Variants in WNT2B observed in about 807,000 individuals in gnomAD.
The protein encoded by WNT2B is protein Wnt-2b.
Under a neutral mutation model 40.5 loss-of-function variants are expected in WNT2B, and 19 were observed. The ratio of observed to expected loss-of-function variants is 0.47; its 90% CI spans 0.33 to 0.69. The LOEUF (loss-of-function observed/expected upper bound fraction) is 0.69. WNT2B is among the 30% of genes least tolerant of loss of function. The pLI is 0.02. For synonymous variants in WNT2B, 220 were observed against 211.9 expected (o/e 1.04, Z -0.33); for missense variants, 467 against 556.4 (o/e 0.84, Z 1.62).
intron 1 of WNT2B, among the ~76,000 whole-genome samples, chr1:112,496,432 CA>C (rs1651770387): frequency 6.6e-6 from 1 of 152,224 alleles, no homozygotes; most frequent in Admixed American, 6.5e-5. Flanking sequence ...AGCATCAACT[CA>C]AAAGTCTAAG....
Position 112,488,691 on chromosome 1 carries a change from A to G in WNT2B, c.-95+21100A>G, listed in dbSNP as rs1222830450. Among the ~76,000 whole-genome samples, 5 of 151,758 alleles carry G rather than the reference A, an allele frequency of 3.3e-5. No individual in the cohort carries two copies. The East Asian group carries it at 9.7e-4, about 29-fold the overall frequency. ...CTCAGCCTCCCGAGTAGCTGGGACT[A>G]CAGGCGCTCGCCACCATGCCCGGCT... On this transcript the variant is annotated intron_variant, in intron 1 of 4. Coordinates refer to the WNT2B transcript ENST00000256640.
rs773051932 is a variant in WNT2B at position 112,527,723 on chromosome 1, G to T, written c.*7214G>T. 6.6e-6 allele frequency: 1 copy of T among 152,462 alleles called. No homozygotes were observed. Among genetic ancestry groups the T allele is most frequent in the Non-Finnish European group, 1.5e-5 (1 of 68,034 alleles). The allele number at this position is 152,462 out of a possible 1,614,324, so 9.4% of individuals were successfully genotyped here. ...CTGGTCTCACATCTACTTCTTGAAG[G>T]TGTCTAAGTAGAATGCAGAGATTGT... On this transcript the variant is annotated 3_prime_UTR_variant, in exon 5 of 5. Transcript: ENST00000369684.
intron 1 of WNT2B, among the ~76,000 whole-genome samples, chr1:112,510,385 C>A (rs1482861808): frequency 3.9e-5 from 6 of 152,182 alleles, no homozygotes; most frequent in African/African-American, 1.4e-4. Context: ...AAGACTCAGT[C>A]TTTCCTCTTC....
At chr1:112,493,885 C>T (rs542938601) in intron 1 of WNT2B, among the ~76,000 whole-genome samples, 4 of 149,902 alleles carry the variant, frequency 2.7e-5, no homozygotes, top group South Asian at 2.1e-4. Context: ...AAACCAACAA[C>T]GACAAAAACA....
chr1:112,517,953 T>C (rs1350899454), intron 4 of WNT2B: 1 of 154,910 alleles, frequency 6.5e-6, no homozygotes, highest in East Asian at 1.9e-4. Context: ...AAGCACATGA[T>C]CTGTCCCAGG....
At chr1:112,516,012 G>A (rs1570795694) in intron 2 of WNT2B, 128 bp from the exon 3 acceptor site, 1 of 1,213,424 alleles carries the variant, frequency 8.2e-7, no homozygotes, top group South Asian at 1.5e-5. Flanking sequence ...TTGAATAAAG[G>A]GGGTGTAGGG....
Position 112,521,115 on chromosome 1 carries a change from C to G in WNT2B, c.*606C>G, listed in dbSNP as rs538119204. 3 of 153,100 alleles carry G rather than the reference C, an allele frequency of 2.0e-5. No individual in the cohort carries two copies. The South Asian group carries it at 6.2e-4, about 32-fold the overall frequency. The allele number at this position is 153,100 out of a possible 1,614,324, so 9.5% of individuals were successfully genotyped here. On this transcript the variant is annotated 3_prime_UTR_variant, in exon 5 of 5. Coordinates refer to ENST00000369684, the MANE Select transcript of WNT2B (RefSeq NM_024494.3). ...TAGAAGAAAAAGAATCATAACAATA[C>G]AAACACACATTCATTCTCTCTTTTT... is the stretch of plus-strand genomic sequence containing the variant.
chr1:112,498,933 C>T lies in WNT2B; in HGVS notation c.-94-15941C>T, dbSNP rs182275552. On this transcript the variant is annotated intron_variant, in intron 1 of 4. Coordinates refer to the WNT2B transcript ENST00000256640. ...AATTTCAAAGCTGCTTCCAGCTGGG[C>T]GCGGTGGCTCACGCCTGTAATTCCA... 9.9e-5 allele frequency among the ~76,000 whole-genome samples: 15 copies of T among 152,282 alleles called. No homozygotes were observed. The East Asian group carries it at 2.1e-3, about 22-fold the overall frequency.
rs766253704 is a variant in WNT2B at position 112,509,657 on chromosome 1, A to G, written c.182+213A>G. Among the ~76,000 whole-genome samples, 4 of 152,184 alleles carry G rather than the reference A, an allele frequency of 2.6e-5. No individual in the cohort carries two copies. The highest frequency in any genetic ancestry group is 4.4e-5 in the Non-Finnish European group (3 of 68,032). On this transcript the variant is annotated intron_variant, in intron 1 of 4. Coordinates refer to ENST00000369684, the MANE Select transcript of WNT2B (RefSeq NM_024494.3). This position sits in a 1 kb window ranked among gnomAD's most constrained non-coding sequence, Gnocchi z 4.2. ...GGTGAGAAAGGCGCTGGGCATTCGGAGCAAGGATGCCCGGTGGTCGCGGCT... is the reference window on the plus strand; with the variant it reads ...GGTGAGAAAGGCGCTGGGCATTCGGGGCAAGGATGCCCGGTGGTCGCGGCT...
upstream of WNT2B, among the ~76,000 whole-genome samples, chr1:112,504,853 G>A (rs1652064722): frequency 6.6e-6 from 1 of 152,064 alleles, no homozygotes; most frequent in Non-Finnish European, 1.5e-5. Context: ...AAAAAGAGAA[G>A]GTCATCGCCA....
chr1:112,511,268 C>T (rs1339981163), intron 1 of WNT2B, among the ~76,000 whole-genome samples: 1 of 152,072 alleles, frequency 6.6e-6, no homozygotes, highest in Admixed American at 6.5e-5. Flanking sequence ...GGAGGTGACA[C>T]AGAGTGACTT....
chr1:112,497,909 A>C (rs1308808664), intron 1 of WNT2B, among the ~76,000 whole-genome samples: 2 of 149,684 alleles, frequency 1.3e-5, no homozygotes, highest in Non-Finnish European at 1.5e-5. Flanking sequence ...ATCCTAGTTC[A>C]TCACTCTTTT....
chr1:112,520,171 C>A, intron 4 of WNT2B, 109 bp from the exon 5 acceptor site: 2 of 1,116,390 alleles, frequency 1.8e-6, no homozygotes, highest in South Asian at 1.5e-5. Flanking sequence ...CCACTGTGCC[C>A]AGCCCAAAAA....
chr1:112,478,225 T>C (rs1311201606), intron 1 of WNT2B, among the ~76,000 whole-genome samples: 2 of 150,854 alleles, frequency 1.3e-5, no homozygotes, highest in African/African-American at 4.9e-5. Flanking sequence ...CAAAGCAAGA[T>C]GCTGTCTCAA....
In WNT2B at chr1:112,515,991, T is replaced by C. The variant is rs1652520117; in HGVS notation, c.404-149T>C. Reference sequence around the variant, plus strand: ...ATACTCTGGGGAATGCTCTTGGAAATGAAAGGCACCTTGAATAAAGGGGGT... The same window carrying C: ...ATACTCTGGGGAATGCTCTTGGAAACGAAAGGCACCTTGAATAAAGGGGGT... On this transcript the variant is annotated intron_variant, in intron 2 of 4. Transcript: ENST00000369684. The surrounding 1 kb of genome is among the most constrained non-coding windows in gnomAD (Gnocchi z 4.4). The C allele has an allele frequency of 1.0e-6, 1 of 1,000,450 alleles. No individual in the cohort carries two copies. The highest frequency in any genetic ancestry group is 1.6e-5 in the African/African-American group (1 of 61,498). The allele number at this position is 1,000,450 out of a possible 1,614,324, so 62.0% of individuals were successfully genotyped here.
rs1228682626 is a variant in WNT2B at position 112,482,175 on chromosome 1, T to C, written c.-95+14584T>C. Among the ~76,000 whole-genome samples, 5 of 151,152 alleles carry C rather than the reference T, an allele frequency of 3.3e-5. No homozygotes were observed. In the East Asian group the frequency reaches 9.7e-4, roughly 29 times the overall value. ...AAAAAAAAAAAATTAGCCAGGCTAA[T>C]TTAAACGGTGGTGCATGCCTGTGGT... On this transcript the variant is annotated intron_variant, in intron 1 of 4. Transcript: ENST00000256640.
upstream of WNT2B, chr1:112,508,885 G>T: frequency 9.7e-7 from 1 of 1,034,580 alleles, no homozygotes; most frequent in Non-Finnish European, 1.2e-6. This position sits in a 1 kb window ranked among gnomAD's most constrained non-coding sequence, Gnocchi z 4.2. Flanking sequence ...GGGCGGAGCC[G>T]CCCTAAGGGC....
At chr1:112,484,146 ATAAT>A (rs1249273207) in intron 1 of WNT2B, among the ~76,000 whole-genome samples, 1 of 49,622 alleles carries the variant, frequency 2.0e-5, no homozygotes, top group East Asian at 6.1e-4. Context: ...ATTTTATATA[ATAAT>A]TTATATAATA....
intron 1 of WNT2B, among the ~76,000 whole-genome samples, chr1:112,483,593 A>C (rs1229234963): frequency 6.6e-6 from 1 of 152,118 alleles, no homozygotes; most frequent in African/African-American, 2.4e-5. Context: ...GATGTGACAC[A>C]AAAAGCACAA....
Sources: allele counts gnomAD v4.1 joint callset (sites outside exome capture counted in the v4.1 genomes callset), GRCh38; gene constraint gnomAD v4.1.1; non-coding constraint Gnocchi (gnomAD v3.1); transcripts MANE v1.5; gene names NCBI Gene and HGNC (gene_info 2026-07-23, HGNC 2026-07-21).